The following BLNK variants were observed in gnomAD, a reference collection of about 807,000 sequenced individuals.
BLNK encodes B-cell linker protein.
Under a neutral mutation model 73.5 loss-of-function variants are expected in BLNK, and 29 were observed. The observed-to-expected ratio is 0.39, with a 90% CI of 0.29 to 0.54. The LOEUF (loss-of-function observed/expected upper bound fraction) is 0.54. Ranked by LOEUF, BLNK falls within the 20% of genes least tolerant of loss-of-function variation. The probability of loss-of-function intolerance (pLI) is 0.61; values close to 1 mark genes in which losing one functional copy is unlikely to be tolerated. For synonymous variants in BLNK, 176 were observed against 200.8 expected, an observed-to-expected ratio of 0.88 and a Z score of 1.04; for missense variants, 460 against 562.8, an observed-to-expected ratio of 0.82 and a Z score of 1.85.
chr10:96,233,210 T>C (rs587638879), intron 3 of BLNK, among the ~76,000 whole-genome samples: 2 of 152,280 alleles, frequency 1.3e-5, no homozygotes, highest in South Asian at 2.1e-4. Flanking sequence ...ATAAAATGCC[T>C]TTATGAAACC....
chr10:96,248,079 A>G (rs892619320), intron 1 of BLNK, among the ~76,000 whole-genome samples: 6 of 152,222 alleles, frequency 3.9e-5, no homozygotes, highest in Non-Finnish European at 7.3e-5. Context: ...ACTGGTAACA[A>G]TATGTATCAA....
At position 96,189,716 on chromosome 10, in the gene BLNK, C is replaced by CATG. The variant is rs2083299349; in HGVS notation, c.*2256_*2257insCAT. On this transcript the variant is annotated 3_prime_UTR_variant, in exon 17 of 17. Coordinates refer to ENST00000224337, the MANE Select transcript of BLNK (RefSeq NM_013314.4). The stretch of plus-strand genomic sequence containing the variant: ...TCATCAAAATCATCATCATCATCAT[C>CATG]ATCATCATCATCATCATCTTCATCA... 1.4e-6 allele frequency: 1 copy of CATG among 716,012 alleles called. No homozygotes were observed. The highest frequency in any genetic ancestry group is 1.9e-5 in the Admixed American group (1 of 53,900). 44.4% of individuals were successfully genotyped at this position (716,012 alleles called of 1,614,324 possible).
chr10:96,229,472 TAC>T (rs1842412314), intron 4 of BLNK, among the ~76,000 whole-genome samples: 1 of 152,220 alleles, frequency 6.6e-6, no homozygotes, highest in South Asian at 2.1e-4. Flanking sequence ...CAGTCTTTAG[TAC>T]AGCTGGTATC....
At chr10:96,192,157 C>A in intron 16 of BLNK, 65 bp from the exon 17 acceptor site, 1 of 1,592,172 alleles carries the variant, frequency 6.3e-7, no homozygotes. Context: ...CTCCACTCCT[C>A]CCATCTTCTC....
intron 8 of BLNK, among the ~76,000 whole-genome samples, chr10:96,212,595 CG>C (rs1443288376): frequency 2.6e-5 from 4 of 152,154 alleles, no homozygotes; most frequent in Non-Finnish European, 4.4e-5. Context: ...ACAGCGGGGA[CG>C]GCAGGGGCTG....
At chr10:96,197,833 G>A (rs1033950509) in intron 15 of BLNK, among the ~76,000 whole-genome samples, 1 of 151,024 alleles carries the variant, frequency 6.6e-6, no homozygotes, top group East Asian at 1.9e-4. Flanking sequence ...GAAGAATGGC[G>A]TGAACCCAGG....
chr10:96,189,329 A>G lies in BLNK; in HGVS notation c.*2644T>C. On this transcript the variant is annotated 3_prime_UTR_variant, in exon 17 of 17. Coordinates refer to ENST00000224337, the MANE Select transcript of BLNK (RefSeq NM_013314.4). Reference sequence around the variant, plus strand: ...CTGTTAGAGAAATGAAATAAGATGGAAAAATGTTAACAAATTGTTTAAACT... The same window carrying G: ...CTGTTAGAGAAATGAAATAAGATGGGAAAATGTTAACAAATTGTTTAAACT... 1.9e-6 allele frequency: 1 copy of G among 527,862 alleles called. No homozygotes were observed. The highest frequency in any genetic ancestry group is 1.5e-5 in the South Asian group (1 of 65,310). The allele number at this position is 527,862 out of a possible 1,614,324, so 32.7% of individuals were successfully genotyped here.
chr10:96,210,795 T>G (rs1193496870), intron 8 of BLNK, among the ~76,000 whole-genome samples: 3 of 151,966 alleles, frequency 2.0e-5, no homozygotes, highest in African/African-American at 7.3e-5. Context: ...ATGAGGCTCT[T>G]CATTAACTTA....
At chr10:96,199,429 A>G (rs2083566940) in intron 15 of BLNK, 5 of 422,182 alleles carry the variant, frequency 1.2e-5, no homozygotes, top group Non-Finnish European at 2.4e-5. Flanking sequence ...ATAGCCTGTC[A>G]CTGTTCACTC....
chr10:96,236,821 G>A (rs1180043495), intron 3 of BLNK, among the ~76,000 whole-genome samples: 4 of 151,676 alleles, frequency 2.6e-5, no homozygotes, highest in Admixed American at 6.6e-5. Context: ...GCGAGACCCC[G>A]TCTCAAAAAA....
At chr10:96,264,966 A>G (rs1033540959) in intron 1 of BLNK, among the ~76,000 whole-genome samples, 2 of 151,784 alleles carry the variant, frequency 1.3e-5, no homozygotes, top group African/African-American at 2.4e-5. Context: ...TGGCCTTATT[A>G]TTATTATTAT....
rs1274435796 is a variant in BLNK at position 96,198,801 on chromosome 10, C to A, written c.1095+1274G>T. Among the ~76,000 whole-genome samples, 4 of 152,308 alleles carry A rather than the reference C, an allele frequency of 2.6e-5. No individual in the cohort carries two copies. In the East Asian group the frequency reaches 7.7e-4, roughly 29 times the overall value. ...GCAACTTCCGCCTCCTAGGCCCAAC[C>A]GATTCTCCTGCTTCAGCCTCCGGAG... On this transcript the variant is annotated intron_variant, in intron 15 of 16. Transcript: ENST00000224337.
intron 3 of BLNK, among the ~76,000 whole-genome samples, chr10:96,232,173 C>T (rs1842524271): frequency 6.6e-6 from 1 of 152,220 alleles, no homozygotes; most frequent in African/African-American, 2.4e-5. Context: ...GGCAGAGTGG[C>T]TCCATGACAG....
At chr10:96,240,403 T>G (rs183953023) in intron 3 of BLNK, among the ~76,000 whole-genome samples, 1 of 150,828 alleles carries the variant, frequency 6.6e-6, no homozygotes, top group East Asian at 1.9e-4. Flanking sequence ...ACAGGACAAC[T>G]CTATTTTTAT....
intron 1 of BLNK, among the ~76,000 whole-genome samples, chr10:96,261,009 AATTTTTTGT>A (rs1341019616): frequency 2.1e-4 from 32 of 152,070 alleles, no homozygotes; most frequent in Middle Eastern, 3.4e-3. Flanking sequence ...ATGCCCAGCT[AATTTTTTGT>A]ATTTTTTGTA....
In BLNK at chr10:96,192,113, T is replaced by A. The variant is rs782063820; in HGVS notation, c.1252-21A>T. The A allele has an allele frequency of 2.5e-6, 4 of 1,612,994 alleles. No individual in the cohort carries two copies. The South Asian group carries it at 3.3e-5, about 13-fold the overall frequency. On this transcript the variant is annotated intron_variant, in intron 16 of 16. Transcript: ENST00000224337. ...AAGTACTAGAGGAAGAAAACATAGA[T>A]GAATTATACTTTGGCATTTGTGTTA...
intron 3 of BLNK, 114 bp downstream of exon 3, chr10:96,242,621 A>T (rs2134080055): frequency 9.5e-7 from 1 of 1,054,406 alleles, no homozygotes; most frequent in Admixed American, 1.8e-5. Flanking sequence ...AAATTAGAAA[A>T]GATACCTTTT....
intron 4 of BLNK, among the ~76,000 whole-genome samples, chr10:96,229,363 A>G (rs1312073152): frequency 6.6e-6 from 1 of 152,198 alleles, no homozygotes; most frequent in African/African-American, 2.4e-5. Context: ...GTTTAAAATC[A>G]AGAAATTCTG....
In BLNK at chr10:96,230,833, C is replaced by G. The variant is rs1417973694; in HGVS notation, c.165G>C (p.Glu55Asp). ...PSVPRRDYAS[E>D]SPADEEEQWS... ...ACTGCTCCTCTTCGTCAGCAGGGCTCTCTGCAACAGCAGGGGAGAAGCAGA... is the reference window on the plus strand; with the variant it reads ...ACTGCTCCTCTTCGTCAGCAGGGCTGTCTGCAACAGCAGGGGAGAAGCAGA... The change falls in exon 4 of 17, where the codon GAG (glutamate) becomes GAC (aspartate). Residue 55 changes from glutamate to aspartate, a missense_variant and splice_region_variant. Glu to Asp is a conservative substitution (Grantham distance 45). Coordinates refer to ENST00000224337, the MANE Select transcript of BLNK (RefSeq NM_013314.4). 3 of 1,610,720 alleles carry G rather than the reference C, an allele frequency of 1.9e-6. No homozygotes were observed. The highest frequency in any genetic ancestry group is 2.5e-6 in the Non-Finnish European group (3 of 1,178,710).
Sources: gnomAD v4.1 joint callset for allele counts (sites outside exome capture counted in the v4.1 genomes callset) on GRCh38, gnomAD v4.1.1 for gene constraint, MANE v1.5 for transcripts, NCBI Gene and HGNC (gene_info 2026-07-23, HGNC 2026-07-21) for gene names.